FAT1: variants seen among roughly 807,000 people sequenced by gnomAD.
FAT1 encodes protocadherin Fat 1.
FAT1 carries 171 observed loss-of-function variants against 329.8 expected under a neutral mutation model. The observed-to-expected ratio is 0.52, with a 90% CI of 0.46 to 0.59. FAT1 has a LOEUF of 0.59. FAT1 is among the 20% of genes least tolerant of loss of function. The pLI is 0.00. For missense variants in FAT1, 5,672 were observed against 5,774.4 expected (o/e 0.98, Z 0.57); for synonymous variants, 2,233 against 2,228.6 (o/e 1.00, Z -0.06).
intron 3 of FAT1, among the ~76,000 whole-genome samples, chr4:186,654,349 A>T (rs1042731792): frequency 6.6e-6 from 1 of 152,186 alleles, no homozygotes; most frequent in African/African-American, 2.4e-5. Flanking sequence ...TTCCAGCCCT[A>T]TCCAAAAGTG....
chr4:186,609,345 A>G, intron 15 of FAT1, 25 bp from the exon 16 acceptor site: 1 of 1,608,072 alleles, frequency 6.2e-7, no homozygotes, highest in East Asian at 2.2e-5. Flanking sequence ...ACTCCTGTTT[A>G]GGAGACAGCT....
intron 3 of FAT1, among the ~76,000 whole-genome samples, chr4:186,650,966 G>T (rs929975910): frequency 4.0e-5 from 6 of 151,318 alleles, no homozygotes; most frequent in African/African-American, 1.5e-4. Context: ...CCAACTGCAC[G>T]GAAAAGAGAG....
intron 1 of FAT1, among the ~76,000 whole-genome samples, chr4:186,718,151 G>T (rs116158129): frequency 0.012 from 1,787 of 152,212 alleles, 37 homozygotes; most frequent in African/African-American, 0.041. Flanking sequence ...TCCATGTACA[G>T]CAAGAAAACG....
intron 7 of FAT1, among the ~76,000 whole-genome samples, chr4:186,630,923 C>T (rs1740553295): frequency 6.6e-6 from 1 of 152,134 alleles, no homozygotes; most frequent in Admixed American, 6.5e-5. Flanking sequence ...TGGTAAGTTA[C>T]CTGGAGATAC....
rs774680240 is a variant in FAT1, at chr4:186,604,446, C to G, written c.10479G>C (p.Pro3493=). 6.2e-7 allele frequency: 1 copy of G among 1,613,786 alleles called. No homozygotes were observed. Among genetic ancestry groups the G allele is most frequent in the South Asian group, 1.1e-5 (1 of 91,080 alleles). Reference sequence around the variant, plus strand: ...CAGATGATGTCAGGAGGACTCCTTGCGGGTTAACTTCAAAAGCCTTCTCAT... The same window carrying G: ...CAGATGATGTCAGGAGGACTCCTTGGGGGTTAACTTCAAAAGCCTTCTCAT... The part of the protein sequence containing the change: ...GNDEKAFEVN[P]QGVLLTSSAI... The change falls in exon 18 of 27, where the codon CCG becomes CCC. Residue 3493 remains proline, a synonymous_variant. Transcript: ENST00000441802.
intron 2 of FAT1, among the ~76,000 whole-genome samples, chr4:186,685,146 A>G (rs1743401771): frequency 6.6e-6 from 1 of 152,214 alleles, no homozygotes; most frequent in Non-Finnish European, 1.5e-5. Context: ...CATGACAGGA[A>G]GGGCACTCCA....
At position 186,709,068 on chromosome 4, in the gene FAT1, C is replaced by A. The variant is rs777849419; in HGVS notation, c.760G>T (p.Ala254Ser). The change falls in exon 2 of 27, where the codon GCT becomes TCT. Residue 254 changes from alanine to serine, a missense_variant. Transcript: ENST00000441802. ...TVHIEQANEC[A>S]PVITAVTLSP... ...AATGTCACTGCTGTTATCACCGGAG[C>A]ACATTCATTGGCCTGTTCGATGTGC... 6.2e-7 allele frequency: 1 copy of A among 1,613,940 alleles called. No individual in the cohort carries two copies. Among genetic ancestry groups the A allele is most frequent in the Admixed American group, 1.7e-5 (1 of 60,018 alleles).
chr4:186,700,542 C>T (rs989585605), intron 2 of FAT1, among the ~76,000 whole-genome samples: 9 of 152,166 alleles, frequency 5.9e-5, no homozygotes, highest in Non-Finnish European at 7.4e-5. Context: ...TCCTTCAGGA[C>T]CAAGCATCGA....
chr4:186,655,267 T>C (rs1036890249), intron 3 of FAT1, among the ~76,000 whole-genome samples: 2 of 152,180 alleles, frequency 1.3e-5, no homozygotes, highest in African/African-American at 4.8e-5. Context: ...CATAAATAAA[T>C]TTCTTTCTTA....
chr4:186,660,875 TCA>T (rs1013496740), intron 3 of FAT1, among the ~76,000 whole-genome samples: 2 of 152,172 alleles, frequency 1.3e-5, no homozygotes, highest in Non-Finnish European at 2.9e-5. Flanking sequence ...TATAATCTCC[TCA>T]GTTTCTTTCT....
chr4:186,643,116 A>G (rs1157028347), intron 3 of FAT1, among the ~76,000 whole-genome samples: 3 of 152,214 alleles, frequency 2.0e-5, no homozygotes, highest in Admixed American at 6.5e-5. Flanking sequence ...AAAATTCAGT[A>G]AAGTTTACAC....
chr4:186,594,875 G>T (rs1413380715), intron 26 of FAT1, among the ~76,000 whole-genome samples: 1 of 151,300 alleles, frequency 6.6e-6, no homozygotes, highest in South Asian at 2.1e-4. Context: ...TATTTGAAAT[G>T]TATAACATAT....
chr4:186,674,845 A>C (rs568475642), intron 2 of FAT1, among the ~76,000 whole-genome samples: 4 of 152,146 alleles, frequency 2.6e-5, no homozygotes, highest in Non-Finnish European at 5.9e-5. Context: ...TACAGCCTGG[A>C]CAACATGGCG....
chr4:186,609,870 A>T lies in FAT1; in HGVS notation c.9999T>A (p.Pro3333=), dbSNP rs2126459503. 1 of 1,613,530 alleles carries T rather than the reference A, an allele frequency of 6.2e-7. No individual in the cohort carries two copies. Among genetic ancestry groups the T allele is most frequent in the South Asian group, 1.1e-5 (1 of 91,060 alleles). Residue 3333 remains proline, a synonymous_variant, in exon 15 of 27, where the codon CCT becomes CCA. Coordinates refer to ENST00000441802, the MANE Select transcript of FAT1 (RefSeq NM_005245.4). The stretch of plus-strand genomic sequence containing the variant: ...TCGTGTAGGTGTCTTGGCTGAACAC[A>T]GGGGTATTATCGTTGATATCTGTTA... The part of the protein sequence containing the change: ...VNVTDINDNT[P]VFSQDTYTTV...
At chr4:186,661,349 C>T (rs1331708145) in intron 3 of FAT1, among the ~76,000 whole-genome samples, 4 of 152,182 alleles carry the variant, frequency 2.6e-5, no homozygotes, top group Non-Finnish European at 4.4e-5. Context: ...ATCCTGGAGG[C>T]GGAAACGCTG....
At chr4:186,611,827 CTT>C (rs753961493) in intron 13 of FAT1, 52 bp from the exon 14 acceptor site, 5,604 of 1,136,504 alleles carry the variant, frequency 4.9e-3, no homozygotes, top group Non-Finnish European at 5.2e-3. Flanking sequence ...AAGTTTAACA[CTT>C]TTTTTTTTTT....
chr4:186,609,359 A>C (rs1739287051), intron 15 of FAT1, 39 bp from the exon 16 acceptor site: 2 of 1,600,766 alleles, frequency 1.2e-6, no homozygotes, highest in Non-Finnish European at 1.7e-6. Flanking sequence ...GACAGCTAAG[A>C]AGAGGCCTAA....
At chr4:186,704,486 T>C (rs1561004891) in intron 2 of FAT1, among the ~76,000 whole-genome samples, 1 of 152,192 alleles carries the variant, frequency 6.6e-6, no homozygotes, top group Non-Finnish European at 1.5e-5. Context: ...CAAAAGGCAG[T>C]GTTCATACAA....
At chr4:186,720,424 G>A (rs757452665) in intron 1 of FAT1, among the ~76,000 whole-genome samples, 5 of 152,008 alleles carry the variant, frequency 3.3e-5, no homozygotes, top group African/African-American at 4.8e-5. Flanking sequence ...AACATGGTAC[G>A]GTGAGGTCTT....
Sources: allele counts gnomAD v4.1 joint callset (sites outside exome capture counted in the v4.1 genomes callset), GRCh38; gene constraint gnomAD v4.1.1; transcripts MANE v1.5; gene names NCBI Gene and HGNC (gene_info 2026-07-23, HGNC 2026-07-21).